Variants in SLCO1A2 observed in about 807,000 individuals in gnomAD.
The protein encoded by SLCO1A2 is OATP-1.
In SLCO1A2, 67 loss-of-function variants were observed where a neutral mutation model predicts 69.0. The observed-to-expected ratio is 0.97, with a 90% CI of 0.80 to 1.19. The LOEUF is 1.19. Ranked by LOEUF, SLCO1A2 falls within the 50% of genes most tolerant of loss-of-function variation. The probability of loss-of-function intolerance (pLI) is 0.00; values close to 1 mark genes in which losing one functional copy is unlikely to be tolerated. For synonymous variants in SLCO1A2, 260 were observed against 265.9 expected, an observed-to-expected ratio of 0.98 and a Z score of 0.22; for missense variants, 787 against 793.7, an observed-to-expected ratio of 0.99 and a Z score of 0.10.
At chr12:21,299,817 CACAT>C (rs1179896226) in intron 8 of SLCO1A2, among the ~76,000 whole-genome samples, 12 of 115,108 alleles carry the variant, frequency 1.0e-4, no homozygotes, top group Non-Finnish European at 1.9e-4. Flanking sequence ...TATACACACA[CACAT>C]ATACACACAC....
intron 2 of SLCO1A2, among the ~76,000 whole-genome samples, chr12:21,352,342 C>T (rs1248371557): frequency 3.3e-5 from 5 of 152,168 alleles, no homozygotes; most frequent in Non-Finnish European, 7.4e-5. Flanking sequence ...CTTACAACTC[C>T]AATGTCATAG....
At chr12:21,359,896 T>A (rs1322081095) in intron 2 of SLCO1A2, among the ~76,000 whole-genome samples, 1 of 152,156 alleles carries the variant, frequency 6.6e-6, no homozygotes, top group Non-Finnish European at 1.5e-5. Context: ...CAACCCGAAG[T>A]CCATTAACAA....
chr12:21,397,774 C>T (rs1941529003), upstream of SLCO1A2, among the ~76,000 whole-genome samples: 1 of 132,872 alleles, frequency 7.5e-6, no homozygotes, highest in Non-Finnish European at 1.6e-5. Flanking sequence ...TGAATGACTA[C>T]TGGGTACATA....
chr12:21,349,443 G>A (rs1349460351), intron 2 of SLCO1A2, among the ~76,000 whole-genome samples: 1 of 152,106 alleles, frequency 6.6e-6, no homozygotes, highest in Admixed American at 6.5e-5. Context: ...TTGCAACCAA[G>A]GAGTTCTGAA....
rs545134720 is a variant in SLCO1A2 at position 21,334,385 on chromosome 12, C to T, written c.60+203G>A. 3.9e-4 allele frequency among the ~76,000 whole-genome samples: 60 copies of T among 152,174 alleles called. No homozygotes were observed. The South Asian group carries it at 0.012, about 30-fold the overall frequency. On this transcript the variant is annotated intron_variant, in intron 2 of 14. Transcript: ENST00000683939. ...TTAAGTCTCTCAAAGCCATTTAGGA[C>T]TAACTTGCCTGAATCAATAATCCTG... is the stretch of plus-strand genomic sequence containing the variant.
chr12:21,378,258 A>G, intron 1 of SLCO1A2: 1 of 1,614,212 alleles, frequency 6.2e-7, no homozygotes, highest in Non-Finnish European at 8.5e-7. Flanking sequence ...AAAAGCGGAA[A>G]TGCAACACTG....
In SLCO1A2 at chr12:21,275,164, G is replaced by T. The variant is rs534925406; in HGVS notation, c.1675+196C>A. ...AGGGCCTGTTGTGGGGTGGGGGAAG[G>T]GGGGAGGGATAGCATTAGGAGATTC... is the stretch of plus-strand genomic sequence containing the variant. On this transcript the variant is annotated intron_variant, in intron 13 of 14. Transcript: ENST00000683939. 7.8e-4 allele frequency: 618 copies of T among 790,312 alleles called. 2 individuals carry two copies. The highest frequency in any genetic ancestry group is 2.9e-3 in the South Asian group (69 of 23,792). 49.0% of individuals were successfully genotyped at this position (790,312 alleles called of 1,614,324 possible).
At chr12:21,360,932 C>A (rs1938811470) in intron 2 of SLCO1A2, among the ~76,000 whole-genome samples, 1 of 152,134 alleles carries the variant, frequency 6.6e-6, no homozygotes. Context: ...GGAGGCCTGC[C>A]TGCCTCTGTA....
At chr12:21,293,597 A>G (rs1947256728) in intron 11 of SLCO1A2, among the ~76,000 whole-genome samples, 1 of 150,988 alleles carries the variant, frequency 6.6e-6, no homozygotes, top group Non-Finnish European at 1.5e-5. Context: ...ATATATATGT[A>G]TATATATATA....
chr12:21,295,870 C>G (rs2136354092), intron 9 of SLCO1A2, 78 bp from the exon 10 acceptor site: 1 of 762,622 alleles, frequency 1.3e-6, no homozygotes, highest in African/African-American at 1.8e-5. Context: ...ATGTAATATG[C>G]CTTATATAAG....
chr12:21,338,607 T>C (rs1365577070), upstream of SLCO1A2, among the ~76,000 whole-genome samples: 2 of 151,952 alleles, frequency 1.3e-5, no homozygotes, highest in Non-Finnish European at 2.9e-5. Flanking sequence ...CTTAATGAAA[T>C]CTTTTACCAC....
chr12:21,331,578 G>A (rs7298793), intron 2 of SLCO1A2, among the ~76,000 whole-genome samples: 1,805 of 151,654 alleles, frequency 0.012, 30 homozygotes, highest in African/African-American at 0.039. Context: ...AAGACTAGCC[G>A]GCTGTCAATT....
At chr12:21,387,642 G>C (rs183735464) in intron 1 of SLCO1A2, among the ~76,000 whole-genome samples, 3 of 152,306 alleles carry the variant, frequency 2.0e-5, no homozygotes, top group Admixed American at 2.0e-4. Flanking sequence ...CCAGGCAGAG[G>C]TTTGTTGTAA....
rs375350889 is a variant in SLCO1A2 at position 21,326,714 on chromosome 12, G to C, written c.61-7791C>G. ...TTGAACTTAAGAGACATAATTTAAG[G>C]TATCTGGTGGAAGAAATTTCAAACT... On this transcript the variant is annotated intron_variant, in intron 2 of 14. Coordinates refer to ENST00000683939, the MANE Select transcript of SLCO1A2 (RefSeq NM_001386879.1). 8.5e-5 allele frequency among the ~76,000 whole-genome samples: 13 copies of C among 152,266 alleles called. 1 individual carries two copies. The highest frequency in any genetic ancestry group is 3.1e-4 in the African/African-American group (13 of 41,558).
intron 1 of SLCO1A2, among the ~76,000 whole-genome samples, chr12:21,377,386 T>A (rs1017530980): frequency 2.0e-5 from 3 of 152,182 alleles, no homozygotes; most frequent in Non-Finnish European, 4.4e-5. Flanking sequence ...ATTTTTTACT[T>A]TATTATATTT....
chr12:21,301,116 A>G (rs1254730271), intron 7 of SLCO1A2, 55 bp downstream of exon 7: 1 of 1,086,938 alleles, frequency 9.2e-7, no homozygotes, highest in Non-Finnish European at 1.3e-6. Flanking sequence ...ATGATAACAT[A>G]CCTGAGATGC....
At chr12:21,347,615 A>T (rs979974851) in intron 2 of SLCO1A2, among the ~76,000 whole-genome samples, 42 of 150,378 alleles carry the variant, frequency 2.8e-4, no homozygotes, top group Admixed American at 3.3e-4. Context: ...ACTGCACTGC[A>T]GCCTGGGTGA....
intron 2 of SLCO1A2, chr12:21,319,559 A>C (rs904077227): frequency 3.1e-6 from 3 of 976,638 alleles, no homozygotes; most frequent in Middle Eastern, 2.5e-4. Context: ...CCCAGGACAG[A>C]GTATTTTCAG....
At chr12:21,377,081 T>A (rs1345318723) in intron 1 of SLCO1A2, among the ~76,000 whole-genome samples, 1 of 152,202 alleles carries the variant, frequency 6.6e-6, no homozygotes, top group African/African-American at 2.4e-5. Context: ...AAATGAATTA[T>A]TTAATGTGTG....
Sources: allele counts gnomAD v4.1 joint callset (sites outside exome capture counted in the v4.1 genomes callset), GRCh38; gene constraint gnomAD v4.1.1; transcripts MANE v1.5; gene names NCBI Gene and HGNC (gene_info 2026-07-23, HGNC 2026-07-21).